The following DOP1B variants were observed in gnomAD, a reference collection of about 807,000 sequenced individuals.
DOP1B encodes the protein DOP1 leucine zipper like protein B.
In DOP1B, 174 loss-of-function variants were observed where a neutral mutation model predicts 233.5. The ratio of observed to expected loss-of-function variants is 0.75; its 90% confidence interval spans 0.66 to 0.85. The LOEUF is 0.85. DOP1B is among the 40% of genes least tolerant of loss of function. DOP1B has a pLI of 0.00. For missense variants in DOP1B, 2,652 were observed against 2,846.6 expected, an observed-to-expected ratio of 0.93 and a Z score of 1.56; for synonymous variants, 1,190 against 1,185.6, an observed-to-expected ratio of 1.00 and a Z score of -0.08.
rs3216566 is a variant in DOP1B at position 36,203,644 on chromosome 21, T to TGGG, written c.491+3149_491+3151dup. ...CAGAGAGCAGAAAGGGAGGGTGCAG[T>TGGG]GGGGGGGGTCATGATGAGCACGTGG... On this transcript the variant is annotated intron_variant, in intron 4 of 36. Coordinates refer to ENST00000691173, the MANE Select transcript of DOP1B (RefSeq NM_001320714.2). 3.2e-3 allele frequency among the ~76,000 whole-genome samples: 483 copies of TGGG among 150,928 alleles called. 3 individuals are homozygous for TGGG. The highest frequency in any genetic ancestry group is 2.0e-3 in the Admixed American group (30 of 15,134).
intron 9 of DOP1B, among the ~76,000 whole-genome samples, chr21:36,218,772 GC>G (rs1237298416): frequency 6.6e-6 from 1 of 152,206 alleles, no homozygotes; most frequent in Non-Finnish European, 1.5e-5. Context: ...GAGCAGCAAT[GC>G]CCTGCCCATC....
In DOP1B at chr21:36,212,006, A is replaced by G; in HGVS notation, c.813A>G (p.Arg271=). The part of the protein sequence containing the change: ...DSNERAIPLL[R]SDIVRILSAA... ...ATGAGAGAGCCATCCCCCTCCTCAG[A>G]TCTGACATCGTGCGCATTCTCTCAG... Residue 271 remains arginine, a synonymous_variant, in exon 7 of 37, where the codon AGA becomes AGG. Transcript: ENST00000691173. The G allele has an allele frequency of 6.2e-7, 1 of 1,614,106 alleles. No individual in the cohort carries two copies. The highest frequency in any genetic ancestry group is 8.5e-7 in the Non-Finnish European group (1 of 1,180,002).
chr21:36,250,871 C>T (rs1267403378), intron 21 of DOP1B, among the ~76,000 whole-genome samples: 2 of 152,196 alleles, frequency 1.3e-5, no homozygotes, highest in African/African-American at 4.8e-5. Context: ...CATCGTCTCC[C>T]GAGATGCTCC....
At chr21:36,200,303 C>A (rs2066345971) in intron 3 of DOP1B, 28 bp from the exon 4 acceptor site, 1 of 1,550,866 alleles carries the variant, frequency 6.4e-7, no homozygotes, top group Non-Finnish European at 8.7e-7. Context: ...CTTATTTCTG[C>A]CCCGCTCCCT....
In DOP1B at chr21:36,237,288, G is replaced by T; in HGVS notation, c.2649G>T (p.Gln883His). 2 of 1,614,180 alleles carry T rather than the reference G, an allele frequency of 1.2e-6. No individual in the cohort carries two copies. The highest frequency in any genetic ancestry group is 8.5e-7 in the Non-Finnish European group (1 of 1,180,032). Residue 883 changes from glutamine (Q) to histidine (H), a missense_variant, in exon 16 of 37, where the codon CAG (glutamine) becomes CAT (histidine). Gln to His is a conservative substitution (Grantham distance 24, BLOSUM62 0). Coordinates refer to ENST00000691173, the MANE Select transcript of DOP1B (RefSeq NM_001320714.2). Reference sequence around the variant, plus strand: ...GGGTGGCTCGTGTGCTTTGGAATCAGCTGAACAAAGAGACCCGGGAGCATC... The same window carrying T: ...GGGTGGCTCGTGTGCTTTGGAATCATCTGAACAAAGAGACCCGGGAGCATC... ...YQRVARVLWN[Q>H]LNKETREHHV...
intron 1 of DOP1B, among the ~76,000 whole-genome samples, chr21:36,162,507 A>G (rs1399262187): frequency 6.6e-6 from 1 of 151,714 alleles, no homozygotes; most frequent in Admixed American, 6.6e-5. Flanking sequence ...TTAAAAGAGC[A>G]CTAATCCCAT....
chr21:36,214,876 A>T (rs569749523), intron 9 of DOP1B, among the ~76,000 whole-genome samples: 2 of 152,218 alleles, frequency 1.3e-5, no homozygotes, highest in African/African-American at 4.8e-5. Context: ...CCCCATCTCT[A>T]TAAAAAAATA....
At chr21:36,242,593 A>C (rs1390991359) in intron 18 of DOP1B, among the ~76,000 whole-genome samples, 1 of 152,154 alleles carries the variant, frequency 6.6e-6, no homozygotes, top group African/African-American at 2.4e-5. Context: ...GATTACAGGC[A>C]TGAGCTACTA....
chr21:36,204,836 G>C (rs1034652575), intron 4 of DOP1B, among the ~76,000 whole-genome samples: 1 of 151,788 alleles, frequency 6.6e-6, no homozygotes, highest in African/African-American at 2.4e-5. Flanking sequence ...TGTATTTTTA[G>C]TAGAGACGGA....
At chr21:36,207,494 TTTTTG>T (rs1569020987) in intron 4 of DOP1B, among the ~76,000 whole-genome samples, 17 of 102,246 alleles carry the variant, frequency 1.7e-4, no homozygotes, top group East Asian at 2.9e-4. Flanking sequence ...CAAACAGTTT[TTTTTG>T]TTTTTTTTTT....
intron 2 of DOP1B, chr21:36,175,654 A>T (rs2066014330): frequency 6.6e-6 from 1 of 152,006 alleles, no homozygotes; most frequent in Non-Finnish European, 1.5e-5. Flanking sequence ...CGAGCTGGGT[A>T]TGGTGGCGCA....
intron 2 of DOP1B, among the ~76,000 whole-genome samples, chr21:36,195,173 C>G (rs1005083378): frequency 6.6e-6 from 1 of 151,982 alleles, no homozygotes; most frequent in African/African-American, 2.4e-5. Flanking sequence ...CAACTTGTCT[C>G]TACTAAAAAA....
chr21:36,242,405 C>A (rs991945231), intron 18 of DOP1B, among the ~76,000 whole-genome samples: 8 of 152,002 alleles, frequency 5.3e-5, no homozygotes, highest in Admixed American at 2.6e-4. Context: ...TAACTCCTGA[C>A]CTCAAGTGAT....
intron 1 of DOP1B, among the ~76,000 whole-genome samples, chr21:36,161,366 T>C (rs1049572312): frequency 6.6e-6 from 1 of 152,090 alleles, no homozygotes; most frequent in Admixed American, 6.6e-5. Context: ...CTCGAACTCC[T>C]GACCTCGTGA....
intron 2 of DOP1B, chr21:36,170,249 A>C: frequency 2.9e-6 from 1 of 350,486 alleles, no homozygotes; most frequent in Admixed American, 4.4e-5. Context: ...ATGACTAATA[A>C]TTTTGAGCAC....
At chr21:36,198,642 A>G (rs550415795) in intron 2 of DOP1B, among the ~76,000 whole-genome samples, 1 of 152,266 alleles carries the variant, frequency 6.6e-6, no homozygotes, top group South Asian at 2.1e-4. Flanking sequence ...CCATTGCTCC[A>G]GCCCAGTGGG....
intron 24 of DOP1B, chr21:36,261,502 A>G (rs2123638093): frequency 1.0e-6 from 1 of 985,464 alleles, no homozygotes; most frequent in South Asian, 4.7e-5. Context: ...CTAAGAGAGC[A>G]TTAAAGGGGA....
chr21:36,207,644 C>A (rs1289547657), intron 4 of DOP1B, among the ~76,000 whole-genome samples: 1 of 152,010 alleles, frequency 6.6e-6, no homozygotes, highest in Non-Finnish European at 1.5e-5. Context: ...TAGGAGGCAT[C>A]ACAACCAGGA....
In DOP1B at chr21:36,261,600, G is replaced by A. The variant is rs538611902; in HGVS notation, c.5315+868G>A. 2.4e-5 allele frequency: 24 copies of A among 985,276 alleles called. No homozygotes were observed. The African/African-American group carries it at 4.0e-4, about 16-fold the overall frequency. 61.0% of individuals were successfully genotyped at this position (985,276 alleles called of 1,614,324 possible). A position where few individuals can be genotyped will look rare whatever the true frequency, so the allele number is the denominator to read the frequency against. On this transcript the variant is annotated intron_variant, in intron 24 of 36. Coordinates refer to ENST00000691173, the MANE Select transcript of DOP1B (RefSeq NM_001320714.2). ...ATGGCTGCATCCCAGGTGCAGCTCT[G>A]TGTTGCAGAAAATGAGGGTGAGGTG...
Sources: gnomAD v4.1 joint callset for allele counts (sites outside exome capture counted in the v4.1 genomes callset) on GRCh38, gnomAD v4.1.1 for gene constraint, MANE v1.5 for transcripts, NCBI Gene and HGNC (gene_info 2026-07-23, HGNC 2026-07-21) for gene names.